The following MTREX variants were observed in gnomAD, a reference collection of about 807,000 sequenced individuals.
MTREX encodes Mtr4 exosome RNA helicase, also known as exosome RNA helicase MTR4.
A neutral mutation model predicts 135.4 loss-of-function variants in MTREX; 76 were observed. The ratio of observed to expected loss-of-function variants is 0.56; its 90% CI spans 0.47 to 0.68. The LOEUF is 0.68. Among genes scored for constraint, MTREX ranks in the 30% least tolerant of loss-of-function variants. The probability of loss-of-function intolerance (pLI) is 0.00; values close to 1 mark genes in which losing one functional copy is unlikely to be tolerated. For synonymous variants in MTREX, 404 were observed against 401.6 expected, an observed-to-expected ratio of 1.01 and a Z score of -0.07; for missense variants, 920 against 1,262.1, an observed-to-expected ratio of 0.73 and a Z score of 4.11.
intron 16 of MTREX, among the ~76,000 whole-genome samples, chr5:55,369,192 TAAG>T (rs1750155462): frequency 6.6e-6 from 1 of 152,100 alleles, no homozygotes; most frequent in African/African-American, 2.4e-5. Context: ...GAGTGTGAAT[TAAG>T]GAGGTGTTAA....
chr5:55,308,023 G>C lies in MTREX; in HGVS notation c.10G>C (p.Ala4Pro), dbSNP rs779931737. MAD[A>P]FGDELFSVFE... Reference sequence around the variant, plus strand: ...CTCACTGCTCCCAAAAATGGCGGACGCATTCGGAGATGAGCTGTTCAGCGT... The same window carrying C: ...CTCACTGCTCCCAAAAATGGCGGACCCATTCGGAGATGAGCTGTTCAGCGT... The change falls in exon 1 of 27, where the codon GCA becomes CCA. Residue 4 changes from alanine to proline, a missense_variant. By Grantham distance (27) the Ala-to-Pro change is conservative. Around this residue, in one of 6 missense-constraint regions of MTREX, gnomAD observed 136 missense variants for 126.7 expected, o/e 1.07. Coordinates refer to ENST00000230640, the MANE Select transcript of MTREX (RefSeq NM_015360.5). 6 of 1,614,034 alleles carry C rather than the reference G, an allele frequency of 3.7e-6. No homozygotes were observed. Among genetic ancestry groups the C allele is most frequent in the African/African-American group, 2.7e-5 (2 of 74,912 alleles).
intron 25 of MTREX, among the ~76,000 whole-genome samples, chr5:55,421,215 C>T (rs946727249): frequency 2.0e-5 from 3 of 152,128 alleles, no homozygotes; most frequent in Non-Finnish European, 4.4e-5. Flanking sequence ...AAGAAGAGCC[C>T]TTGGATTACA....
chr5:55,324,225 T>C, intron 3 of MTREX, 27 bp downstream of exon 3: 1 of 1,554,570 alleles, frequency 6.4e-7, no homozygotes, highest in Non-Finnish European at 8.8e-7. Flanking sequence ...TACAGAAGGT[T>C]AGTGTTACAA....
intron 7 of MTREX, 85 bp from the exon 8 acceptor site, chr5:55,343,246 G>T: frequency 8.2e-7 from 1 of 1,223,298 alleles, no homozygotes; most frequent in Non-Finnish European, 1.1e-6. Flanking sequence ...TAACTATAAA[G>T]CTTCAGAGAA....
At chr5:55,415,382 T>G (rs1259889220) in intron 24 of MTREX, among the ~76,000 whole-genome samples, 1 of 152,010 alleles carries the variant, frequency 6.6e-6, no homozygotes, top group African/African-American at 2.4e-5. Flanking sequence ...AAATAATAAT[T>G]CAAAAAATTC....
chr5:55,402,876 A>C (rs866223324), intron 21 of MTREX, among the ~76,000 whole-genome samples: 1 of 71,988 alleles, frequency 1.4e-5, no homozygotes, highest in East Asian at 3.4e-4. Flanking sequence ...GTGTGTGTAT[A>C]TATATAATTT....
intron 16 of MTREX, among the ~76,000 whole-genome samples, chr5:55,367,087 G>T (rs563064983): frequency 6.6e-6 from 1 of 152,202 alleles, no homozygotes; most frequent in South Asian, 2.1e-4. Flanking sequence ...TCTATAGTTG[G>T]CTCAAATTTA....
intron 10 of MTREX, among the ~76,000 whole-genome samples, chr5:55,346,403 G>T (rs1749733428): frequency 6.6e-6 from 1 of 152,184 alleles, no homozygotes; most frequent in African/African-American, 2.4e-5. Context: ...ATGGGTAAAT[G>T]AAACAGATTA....
At chr5:55,308,255 C>G in intron 1 of MTREX, 108 bp downstream of exon 1, 1 of 1,300,266 alleles carries the variant, frequency 7.7e-7, no homozygotes, top group Non-Finnish European at 1.0e-6. Flanking sequence ...CATTGAGTGG[C>G]GTTGGAAGTG....
intron 18 of MTREX, among the ~76,000 whole-genome samples, chr5:55,379,884 T>C (rs1750365761): frequency 6.6e-6 from 1 of 152,242 alleles, no homozygotes; most frequent in Non-Finnish European, 1.5e-5. Flanking sequence ...TTTTTACCTA[T>C]ACTGAAGTGC....
chr5:55,421,295 G>A (rs1259086887), intron 25 of MTREX, among the ~76,000 whole-genome samples: 1 of 152,162 alleles, frequency 6.6e-6, no homozygotes, highest in Admixed American at 6.5e-5. Flanking sequence ...TTAATCCCTG[G>A]GGGGAGTAGC....
intron 22 of MTREX, among the ~76,000 whole-genome samples, chr5:55,410,010 TTCTA>T (rs763708500): frequency 4.6e-5 from 7 of 151,992 alleles, no homozygotes; most frequent in Non-Finnish European, 8.8e-5. Context: ...AGCTCAGGAG[TTCTA>T]GACCAGCCTG....
chr5:55,364,218 C>T lies in MTREX; in HGVS notation c.1660-2507C>T, dbSNP rs77331974. ...TTTGGATTTCTTAGTTTTGCTAAGA[C>T]AGAGGATTTGTGTGGATACTTATAG... On this transcript the variant is annotated intron_variant, in intron 15 of 26. Transcript: ENST00000230640. Among the ~76,000 whole-genome samples the T allele has an allele frequency of 4.0e-3, 608 of 152,268 alleles. 4 individuals carry two copies. The highest frequency in any genetic ancestry group is 0.014 in the African/African-American group (580 of 41,558).
chr5:55,377,576 G>A (rs1750325866), intron 16 of MTREX, among the ~76,000 whole-genome samples: 1 of 152,098 alleles, frequency 6.6e-6, no homozygotes, highest in Admixed American at 6.5e-5. Flanking sequence ...TCATTTAATG[G>A]TAGACTGATC....
intron 14 of MTREX, among the ~76,000 whole-genome samples, chr5:55,356,019 C>G (rs972966382): frequency 2.0e-5 from 3 of 152,220 alleles, no homozygotes; most frequent in African/African-American, 7.2e-5. Flanking sequence ...TTCTCCAACT[C>G]ATACCAGAGC....
In MTREX at chr5:55,414,088, A is replaced by G. The variant is rs1008902655; in HGVS notation, c.2752-94A>G. On this transcript the variant is annotated intron_variant, in intron 23 of 26. Transcript: ENST00000230640. ...AGGTCTTATAATTTGATATGTGACT[A>G]TCTTACAAGCTTTAATTTGTTAAAA... 9 of 836,890 alleles carry G rather than the reference A, an allele frequency of 1.1e-5. No homozygotes were observed. The Admixed American group carries it at 1.5e-4, about 14-fold the overall frequency. 51.8% of individuals were successfully genotyped at this position (836,890 alleles called of 1,614,324 possible).
intron 25 of MTREX, among the ~76,000 whole-genome samples, chr5:55,419,460 G>A (rs190266584): frequency 3.8e-4 from 58 of 152,310 alleles, no homozygotes; most frequent in African/African-American, 1.3e-3. Flanking sequence ...TTGTGATTCA[G>A]TTGAGAAATT....
At chr5:55,365,472 A>G (rs1453638834) in intron 15 of MTREX, among the ~76,000 whole-genome samples, 1 of 152,176 alleles carries the variant, frequency 6.6e-6, no homozygotes, top group Non-Finnish European at 1.5e-5. Context: ...CTGACTGCAT[A>G]CATTTAAAAT....
chr5:55,310,441 C>T (rs1376948636), intron 1 of MTREX, among the ~76,000 whole-genome samples: 3 of 152,116 alleles, frequency 2.0e-5, no homozygotes, highest in African/African-American at 7.2e-5. Context: ...AACCCCATCT[C>T]TACTAAAAAT....
Sources: allele counts gnomAD v4.1 joint callset (sites outside exome capture counted in the v4.1 genomes callset), GRCh38; gene constraint gnomAD v4.1.1; regional missense constraint gnomAD v4.1.1; transcripts MANE v1.5; gene names NCBI Gene and HGNC (gene_info 2026-07-23, HGNC 2026-07-21).